Variants in HIRA observed in about 807,000 individuals in gnomAD.
HIRA encodes the protein histone cell cycle regulator, also known as protein HIRA.
Under a neutral mutation model 126.6 loss-of-function variants are expected in HIRA, and 13 were observed. The observed-to-expected ratio is 0.10, with a 90% confidence interval of 0.07 to 0.16. The LOEUF (loss-of-function observed/expected upper bound fraction) is 0.16. Among genes scored for constraint, HIRA ranks in the 10% least tolerant of loss-of-function variants. The probability of loss-of-function intolerance (pLI) is 1.00; values close to 1 mark genes in which losing one functional copy is unlikely to be tolerated. For missense variants in HIRA, 834 were observed against 1,314.4 expected, an observed-to-expected ratio of 0.63 and a Z score of 5.65; for synonymous variants, 511 against 520.0, an observed-to-expected ratio of 0.98 and a Z score of 0.24.
intron 1 of HIRA, among the ~76,000 whole-genome samples, chr22:19,429,012 G>T (rs1350012021): frequency 6.6e-6 from 1 of 152,142 alleles, no homozygotes; most frequent in African/African-American, 2.4e-5. Context: ...CTCCTCCAGG[G>T]CAGTGGTAAT....
chr22:19,405,291 C>A (rs1187576774), intron 5 of HIRA, among the ~76,000 whole-genome samples: 1 of 152,202 alleles, frequency 6.6e-6, no homozygotes, highest in Non-Finnish European at 1.5e-5. Flanking sequence ...ATCCTTGACA[C>A]CTGAGTGTAC....
At chr22:19,418,955 G>T (rs1234092258) in intron 1 of HIRA, among the ~76,000 whole-genome samples, 1 of 149,922 alleles carries the variant, frequency 6.7e-6, no homozygotes, top group Non-Finnish European at 1.5e-5. Flanking sequence ...CACACACAAG[G>T]CCTGTTTTTA....
At chr22:19,393,596 T>C (rs2089200026) in intron 8 of HIRA, among the ~76,000 whole-genome samples, 1 of 152,092 alleles carries the variant, frequency 6.6e-6, no homozygotes, top group African/African-American at 2.4e-5. Context: ...GACCTCATGA[T>C]CCGCCCACCA....
intron 15 of HIRA, among the ~76,000 whole-genome samples, chr22:19,374,266 G>A (rs955099629): frequency 2.6e-5 from 4 of 152,062 alleles, no homozygotes; most frequent in Admixed American, 6.5e-5. Context: ...CCTGGGAGGC[G>A]GAGGTTGCAG....
Position 19,333,858 on chromosome 22 carries a change from C to T in HIRA, c.2938-2302G>A, listed in dbSNP as rs577412805. 3.2e-4 allele frequency among the ~76,000 whole-genome samples: 48 copies of T among 152,204 alleles called. 1 individual carries two copies. The highest frequency in any genetic ancestry group is 1.0e-3 in the African/African-American group (43 of 41,540). ...TTGCTGATTTACCCTTTTGTCTATT[C>T]GAGTCTGCTGTTGAACCCTTCTAGT... On this transcript the variant is annotated intron_variant, in intron 24 of 24. Coordinates refer to ENST00000263208, the MANE Select transcript of HIRA (RefSeq NM_003325.4).
chr22:19,403,142 CT>C (rs1189243690), intron 5 of HIRA, among the ~76,000 whole-genome samples: 2 of 151,538 alleles, frequency 1.3e-5, no homozygotes, highest in Admixed American at 1.3e-4. Flanking sequence ...AAATATCTTC[CT>C]ATGGGCATTT....
chr22:19,353,728 G>A (rs782528801), intron 22 of HIRA, among the ~76,000 whole-genome samples: 6 of 152,210 alleles, frequency 3.9e-5, no homozygotes, highest in Non-Finnish European at 7.4e-5. Context: ...GCACCCTTGG[G>A]GTATCTCACC....
chr22:19,335,219 T>C (rs1254799169), intron 24 of HIRA, among the ~76,000 whole-genome samples: 2 of 152,180 alleles, frequency 1.3e-5, no homozygotes, highest in African/African-American at 4.8e-5. Context: ...ATTTTCATTA[T>C]TTGGCTTAAA....
At chr22:19,335,047 C>T (rs2088549243) in intron 24 of HIRA, among the ~76,000 whole-genome samples, 1 of 152,190 alleles carries the variant, frequency 6.6e-6, no homozygotes, top group Admixed American at 6.5e-5. Flanking sequence ...ATATAACATA[C>T]AGTATATGCC....
intron 8 of HIRA, 66 bp downstream of exon 8, chr22:19,394,276 A>T: frequency 6.4e-7 from 1 of 1,559,134 alleles, no homozygotes; most frequent in Non-Finnish European, 8.8e-7. Context: ...ACTATTCAAA[A>T]TAAACCAAGA....
intron 1 of HIRA, among the ~76,000 whole-genome samples, chr22:19,413,031 A>C (rs2089366295): frequency 6.6e-6 from 1 of 152,152 alleles, no homozygotes; most frequent in Non-Finnish European, 1.5e-5. Flanking sequence ...GATCGGGTGA[A>C]GGAGAGGGTT....
At chr22:19,404,886 T>C (rs2089296126) in intron 5 of HIRA, among the ~76,000 whole-genome samples, 1 of 152,158 alleles carries the variant, frequency 6.6e-6, no homozygotes, top group Non-Finnish European at 1.5e-5. Context: ...TCTCCTCTTC[T>C]CTACCTCAAT....
In HIRA at chr22:19,351,727, A is replaced by C. The variant is rs2088760015; in HGVS notation, c.2849-281T>G. 6.6e-6 allele frequency among the ~76,000 whole-genome samples: 1 copy of C among 152,168 alleles called. No homozygotes were observed. Among genetic ancestry groups the C allele is most frequent in the Non-Finnish European group, 1.5e-5 (1 of 68,018 alleles). ...CCCAGAGGAAAAACGAGATATGGCCAGTTCTGTGATAAACTCCTTAAGGTG... is the reference window on the plus strand; with the variant it reads ...CCCAGAGGAAAAACGAGATATGGCCCGTTCTGTGATAAACTCCTTAAGGTG... On this transcript the variant is annotated intron_variant, in intron 23 of 24. Coordinates refer to ENST00000263208, the MANE Select transcript of HIRA (RefSeq NM_003325.4). The surrounding 1 kb of genome is among the most constrained non-coding windows in gnomAD (Gnocchi z 4.8).
At chr22:19,376,948 G>T (rs958589740) in intron 14 of HIRA, among the ~76,000 whole-genome samples, 1 of 152,226 alleles carries the variant, frequency 6.6e-6, no homozygotes, top group Non-Finnish European at 1.5e-5. Flanking sequence ...CTAAAATGGA[G>T]ATCTCAAAGC....
At chr22:19,356,422 G>C (rs1325881904) in intron 19 of HIRA, 134 bp from the exon 20 acceptor site, 12 of 697,694 alleles carry the variant, frequency 1.7e-5, no homozygotes, top group African/African-American at 1.4e-4. Context: ...GGGGCTCTGG[G>C]CTACGAGTGG....
At chr22:19,361,571 G>A (rs1018156991) in intron 16 of HIRA, among the ~76,000 whole-genome samples, 156 bp downstream of exon 16, 2 of 152,232 alleles carry the variant, frequency 1.3e-5, no homozygotes, top group African/African-American at 4.8e-5. Context: ...CTGAGGGAGA[G>A]CGTGGCCTCC....
At chr22:19,346,664 G>A (rs2088690243) in intron 24 of HIRA, among the ~76,000 whole-genome samples, 1 of 152,240 alleles carries the variant, frequency 6.6e-6, no homozygotes, top group South Asian at 2.1e-4. Flanking sequence ...GTGAGGCACA[G>A]ACTAGTTTCT....
intron 15 of HIRA, among the ~76,000 whole-genome samples, chr22:19,372,044 T>C (rs973272617): frequency 6.6e-6 from 1 of 152,216 alleles, no homozygotes; most frequent in African/African-American, 2.4e-5. Context: ...ACTTCCAGAC[T>C]GTTTTCCAAA....
chr22:19,375,120 G>C (rs1454163188), intron 15 of HIRA, among the ~76,000 whole-genome samples: 1 of 152,134 alleles, frequency 6.6e-6, no homozygotes, highest in African/African-American at 2.4e-5. Flanking sequence ...TTTGAGGGGA[G>C]ACCCAGAGAA....
Sources: allele counts gnomAD v4.1 joint callset (sites outside exome capture counted in the v4.1 genomes callset), GRCh38; gene constraint gnomAD v4.1.1; non-coding constraint Gnocchi (gnomAD v3.1); transcripts MANE v1.5; gene names NCBI Gene and HGNC (gene_info 2026-07-23, HGNC 2026-07-21).